Variants in RBFOX1 observed in about 807,000 individuals in gnomAD.
RBFOX1 encodes the protein RNA binding protein fox-1 homolog 1.
RBFOX1 carries 8 observed loss-of-function variants against 57.7 expected under a neutral mutation model. That is an observed-to-expected ratio of 0.14 (90% CI 0.08 to 0.25). The LOEUF (loss-of-function observed/expected upper bound fraction) is 0.25, where lower values mean the gene tolerates loss of function less well. RBFOX1 is among the 10% of genes least tolerant of loss of function. The probability of loss-of-function intolerance (pLI) is 1.00; values close to 1 mark genes in which losing one functional copy is unlikely to be tolerated. For missense variants in RBFOX1, 611 were observed against 548.5 expected (o/e 1.11, Z -1.14); for synonymous variants, 326 against 222.4 (o/e 1.47, Z -4.15).
At chr16:7,039,155 A>G (rs1206576628) in intron 3 of RBFOX1, among the ~76,000 whole-genome samples, 1 of 152,252 alleles carries the variant, frequency 6.6e-6, no homozygotes, top group East Asian at 1.9e-4. Context: ...TATGCTCCAT[A>G]AAGTATTCCC....
chr16:6,287,271 CCAA>C (rs1324165343), intron 1 of RBFOX1, among the ~76,000 whole-genome samples: 2 of 152,110 alleles, frequency 1.3e-5, no homozygotes, highest in African/African-American at 2.4e-5. Context: ...TTTAAAATGG[CCAA>C]CGAGTGCCAC....
At position 7,713,181 on chromosome 16, in the gene RBFOX1, C is replaced by T. The variant is rs552608725; in HGVS notation, c.*2436C>T. ...TATGGAAAATTAATATTATGTGTGG[C>T]ATATAGTGACTTCTTAACACACACA... On this transcript the variant is annotated 3_prime_UTR_variant, in exon 16 of 16. Transcript: ENST00000550418. The T allele has an allele frequency of 6.6e-6, 1 of 152,194 alleles. No individual in the cohort carries two copies. Among genetic ancestry groups the T allele is most frequent in the African/African-American group, 2.4e-5 (1 of 41,518 alleles). 9.4% of individuals were successfully genotyped at this position (152,194 alleles called of 1,614,324 possible).
chr16:6,577,679 G>T (rs1463916788), intron 2 of RBFOX1, among the ~76,000 whole-genome samples: 1 of 152,146 alleles, frequency 6.6e-6, no homozygotes, highest in African/African-American at 2.4e-5. Context: ...CATGGTCCCA[G>T]GGGAAGTCCA....
At chr16:5,827,987 A>G (rs961174336) in intron 3 of RBFOX1, among the ~76,000 whole-genome samples, 12 of 128,638 alleles carry the variant, frequency 9.3e-5, no homozygotes, top group Admixed American at 7.8e-4. Context: ...GCATTCCTCT[A>G]TGCATCCAAT....
chr16:7,229,755 AG>A (rs1311304319), intron 4 of RBFOX1, among the ~76,000 whole-genome samples: 3,977 of 82,508 alleles, frequency 0.048, 823 homozygotes, highest in East Asian at 0.084. Context: ...AGGAAGGGAG[AG>A]AGAGGGAGGA....
rs547830269 is a variant in RBFOX1 at position 6,382,768 on chromosome 16, G to A, written c.-64+65711G>A. On this transcript the variant is annotated intron_variant, in intron 2 of 15. Transcript: ENST00000550418. Reference sequence around the variant, plus strand: ...CCAGCTACTTGGGAGGCTGAGGCAGGAGAATTCCTTGAACTCAGGAGGTGG... The same window carrying A: ...CCAGCTACTTGGGAGGCTGAGGCAGAAGAATTCCTTGAACTCAGGAGGTGG... 1.4e-3 allele frequency among the ~76,000 whole-genome samples: 210 copies of A among 152,292 alleles called. 2 individuals are homozygous for A. Among genetic ancestry groups the A allele is most frequent in the Middle Eastern group, 0.01 (3 of 294 alleles).
chr16:5,744,173 C>T (rs1482952891), intron 3 of RBFOX1, among the ~76,000 whole-genome samples: 2 of 152,052 alleles, frequency 1.3e-5, no homozygotes, highest in South Asian at 4.2e-4. Flanking sequence ...CCATCTGGAG[C>T]TCCTTCCTCT....
chr16:6,570,785 T>C (rs956645132), intron 2 of RBFOX1, among the ~76,000 whole-genome samples: 1 of 152,166 alleles, frequency 6.6e-6, no homozygotes, highest in Non-Finnish European at 1.5e-5. Flanking sequence ...ATAGCTAATA[T>C]TTTTTCCTCA....
intron 1 of RBFOX1, among the ~76,000 whole-genome samples, chr16:6,158,939 G>A (rs746799588): frequency 6.6e-6 from 1 of 150,568 alleles, no homozygotes; most frequent in Non-Finnish European, 1.5e-5. Flanking sequence ...GTCTCTCTCT[G>A]TTGCCCAGGC....
rs1024020774 is a variant in RBFOX1 at position 6,344,801 on chromosome 16, C to G, written c.-64+27744C>G. Among the ~76,000 whole-genome samples, 10 of 149,684 alleles carry G rather than the reference C, an allele frequency of 6.7e-5. 1 individual carries two copies. Among genetic ancestry groups the G allele is most frequent in the African/African-American group, 1.2e-4 (5 of 40,414 alleles). ...CACCACCTGGGTTCAAGCGATTCTC[C>G]TGCCTCAGCCTCCCGAGTGGCTAGG... is the stretch of plus-strand genomic sequence containing the variant. On this transcript the variant is annotated intron_variant, in intron 2 of 15. Transcript: ENST00000550418.
intron 4 of RBFOX1, among the ~76,000 whole-genome samples, chr16:7,457,962 C>G (rs916309016): frequency 1.3e-5 from 2 of 152,190 alleles, no homozygotes; most frequent in African/African-American, 4.8e-5. Flanking sequence ...TTTGCACATG[C>G]TGTTTCCTGA....
At chr16:6,786,595 G>A (rs1454247991) in intron 3 of RBFOX1, among the ~76,000 whole-genome samples, 1 of 152,154 alleles carries the variant, frequency 6.6e-6, no homozygotes, top group African/African-American at 2.4e-5. Context: ...TAAGGACAAA[G>A]CTGGTTCCCC....
At chr16:7,075,813 C>T (rs983398502) in intron 4 of RBFOX1, among the ~76,000 whole-genome samples, 1 of 152,112 alleles carries the variant, frequency 6.6e-6, no homozygotes, top group Non-Finnish European at 1.5e-5. Flanking sequence ...ATCTCCTGAC[C>T]TCGTGATCTG....
At chr16:7,508,884 C>G (rs986001339) in intron 4 of RBFOX1, among the ~76,000 whole-genome samples, 1 of 152,188 alleles carries the variant, frequency 6.6e-6, no homozygotes, top group East Asian at 1.9e-4. Context: ...AGCAAGGAGC[C>G]TTGGTGATAA....
At position 5,454,902 on chromosome 16, in the gene RBFOX1, CT is replaced by C. The variant is rs1430221502; in HGVS notation, c.220-12311del. Among the ~76,000 whole-genome samples, 275 of 66,682 alleles carry C rather than the reference CT, an allele frequency of 4.1e-3. 17 individuals are homozygous for C. Among genetic ancestry groups the C allele is most frequent in the East Asian group, 0.024 (57 of 2,344 alleles). 43.7% of individuals were successfully genotyped at this position (66,682 alleles called of 152,430 possible). A position where few individuals can be genotyped will look rare whatever the true frequency, so the allele number is the denominator to read the frequency against. On this transcript the variant is annotated intron_variant, in intron 1 of 2. Transcript: ENST00000585867. ...TCTTTCTTTCTTTCTTTCTTTCTTT[CT>C]TTCTTTCTTTCCTTTGTTTCTTTCT...
At chr16:7,212,864 T>C (rs570542227) in intron 4 of RBFOX1, among the ~76,000 whole-genome samples, 126 of 152,252 alleles carry the variant, frequency 8.3e-4, no homozygotes, top group African/African-American at 3.0e-3. Flanking sequence ...TAACTTAGGC[T>C]ACAATGATGA....
rs546885748 is a variant in RBFOX1, at chr16:7,196,380, C to T, written c.27+144282C>T. 1.2e-4 allele frequency among the ~76,000 whole-genome samples: 19 copies of T among 152,268 alleles called. 1 individual carries two copies. Among genetic ancestry groups the T allele is most frequent in the African/African-American group, 3.4e-4 (14 of 41,548 alleles). On this transcript the variant is annotated intron_variant, in intron 4 of 15. Transcript: ENST00000550418. Reference sequence around the variant, plus strand: ...CCTGCTTCACTCCCCCTCTCCCCAGCCCCATTTGCCACTGACTTGCTTAGC... The same window carrying T: ...CCTGCTTCACTCCCCCTCTCCCCAGTCCCATTTGCCACTGACTTGCTTAGC...
intron 2 of RBFOX1, among the ~76,000 whole-genome samples, chr16:6,332,590 C>T (rs145249559): frequency 7.2e-4 from 110 of 152,266 alleles, no homozygotes; most frequent in African/African-American, 2.3e-3. Context: ...CACAGCATAG[C>T]GTGCTGTTAT....
At chr16:6,511,459 G>A (rs1329206664) in intron 2 of RBFOX1, among the ~76,000 whole-genome samples, 1 of 152,150 alleles carries the variant, frequency 6.6e-6, no homozygotes, top group African/African-American at 2.4e-5. Flanking sequence ...GGACTGACAT[G>A]GGAGAATTTT....
Sources: allele counts gnomAD v4.1 joint callset (sites outside exome capture counted in the v4.1 genomes callset), GRCh38; gene constraint gnomAD v4.1.1; transcripts MANE v1.5; gene names NCBI Gene and HGNC (gene_info 2026-07-23, HGNC 2026-07-21).